Variants in KATNIP observed in about 807,000 individuals in gnomAD.
KATNIP encodes katanin-interacting protein.
Under a neutral mutation model 174.0 loss-of-function variants are expected in KATNIP, and 126 were observed. The ratio of observed to expected loss-of-function variants is 0.72; its 90% CI spans 0.63 to 0.84. The LOEUF is 0.84. Among genes scored for constraint, KATNIP ranks in the 40% least tolerant of loss-of-function variants. The probability of loss-of-function intolerance (pLI) is 0.00; values close to 1 mark genes in which losing one functional copy is unlikely to be tolerated. For synonymous variants in KATNIP, 810 were observed against 835.7 expected (o/e 0.97, Z 0.53); for missense variants, 1,958 against 2,109.7 (o/e 0.93, Z 1.41).
chr16:27,551,310 G>A (rs1352487068), intron 1 of KATNIP, among the ~76,000 whole-genome samples: 4 of 152,178 alleles, frequency 2.6e-5, no homozygotes, highest in South Asian at 2.1e-4. Context: ...ACTGAATGTA[G>A]TGTGGAGAAA....
chr16:27,758,230 A>T lies in KATNIP; in HGVS notation c.3632-3183A>T, dbSNP rs536575600. Reference sequence around the variant, plus strand: ...ACTGATCTCCATCATCCAAATCCACATCCTCCTCCACCTGTGGCCCTTCTG... The same window carrying T: ...ACTGATCTCCATCATCCAAATCCACTTCCTCCTCCACCTGTGGCCCTTCTG... On this transcript the variant is annotated intron_variant, in intron 18 of 27. Coordinates refer to ENST00000261588, the MANE Select transcript of KATNIP (RefSeq NM_015202.5). Among the ~76,000 whole-genome samples the T allele has an allele frequency of 3.9e-5, 6 of 152,194 alleles. No individual in the cohort carries two copies. In the South Asian group the frequency reaches 1.0e-3, roughly 26 times the overall value.
At chr16:27,601,570 C>T (rs1483390628) in intron 2 of KATNIP, among the ~76,000 whole-genome samples, 1 of 152,174 alleles carries the variant, frequency 6.6e-6, no homozygotes, top group East Asian at 1.9e-4. Flanking sequence ...CCTGCTTTGG[C>T]CTCCCAAAGT....
At chr16:27,682,012 A>C (rs1266569265) in intron 8 of KATNIP, among the ~76,000 whole-genome samples, 4 of 152,378 alleles carry the variant, frequency 2.6e-5, no homozygotes, top group African/African-American at 9.6e-5. Flanking sequence ...CCTGTGGCCC[A>C]GTCAAGCCAA....
chr16:27,639,210 A>G (rs1290873753), intron 5 of KATNIP, among the ~76,000 whole-genome samples: 1 of 152,128 alleles, frequency 6.6e-6, no homozygotes, highest in Non-Finnish European at 1.5e-5. Context: ...GATGACTTCC[A>G]CCTGTAAAAC....
intron 5 of KATNIP, among the ~76,000 whole-genome samples, chr16:27,647,382 C>T (rs2076986606): frequency 6.6e-6 from 1 of 152,092 alleles, no homozygotes. Context: ...CACATTGTCA[C>T]CCAGGCTGCA....
At chr16:27,704,925 T>C (rs2079242531) in intron 12 of KATNIP, among the ~76,000 whole-genome samples, 4 of 148,944 alleles carry the variant, frequency 2.7e-5, no homozygotes, top group Admixed American at 2.7e-4. Flanking sequence ...TTTTTTTTTT[T>C]TCTTAGACAG....
intron 5 of KATNIP, among the ~76,000 whole-genome samples, chr16:27,642,770 T>A (rs28629187): frequency 0.34 from 16,007 of 47,736 alleles, 1,819 homozygotes; most frequent in East Asian, 0.44. Flanking sequence ...TTTTAAAAAA[T>A]TTTTTTTTTT....
intron 14 of KATNIP, chr16:27,722,426 A>G (rs1166963883): frequency 6.6e-6 from 1 of 152,252 alleles, no homozygotes; most frequent in Non-Finnish European, 1.5e-5. Flanking sequence ...CCTCCTTTCT[A>G]ACCTCACACT....
chr16:27,700,392 T>G (rs1476253830), intron 10 of KATNIP, among the ~76,000 whole-genome samples: 1 of 152,198 alleles, frequency 6.6e-6, no homozygotes, highest in South Asian at 2.1e-4. Context: ...TACACAGGTC[T>G]GTGCTGTGTG....
chr16:27,550,189 T>C lies in KATNIP; in HGVS notation c.7+12T>C. On this transcript the variant is annotated intron_variant, in intron 1 of 27. Transcript: ENST00000261588. ...TCTAGGGATGGACGGTGAGTGTCTG[T>C]GGGCCCCTCCGGGAGGTCGGGCTGT... The C allele has an allele frequency of 6.2e-7, 1 of 1,609,094 alleles. No individual in the cohort carries two copies. Among genetic ancestry groups the C allele is most frequent in the Middle Eastern group, 1.7e-4 (1 of 6,048 alleles).
chr16:27,767,769 CT>C (rs1260708845), intron 20 of KATNIP, among the ~76,000 whole-genome samples: 3 of 152,196 alleles, frequency 2.0e-5, no homozygotes, highest in Non-Finnish European at 4.4e-5. Flanking sequence ...TCGGCAGCCC[CT>C]GGCCCTCCCC....
intron 18 of KATNIP, among the ~76,000 whole-genome samples, chr16:27,759,360 G>A (rs1030381852): frequency 2.0e-5 from 3 of 152,232 alleles, no homozygotes; most frequent in African/African-American, 4.8e-5. Context: ...GGTTATTAGG[G>A]AAGGCCTCTC....
chr16:27,582,923 GAGA>G (rs780087897), intron 2 of KATNIP, among the ~76,000 whole-genome samples: 12 of 152,202 alleles, frequency 7.9e-5, no homozygotes, highest in Non-Finnish European at 1.2e-4. Flanking sequence ...TGCTGAGAAA[GAGA>G]AGGACACAGA....
chr16:27,627,530 A>G (rs1248917893), intron 3 of KATNIP, among the ~76,000 whole-genome samples: 3 of 152,216 alleles, frequency 2.0e-5, no homozygotes, highest in African/African-American at 4.8e-5. Flanking sequence ...AAATGTGAAC[A>G]AAGACTCACA....
chr16:27,685,462 CA>C (rs2078488734), intron 8 of KATNIP: 1 of 151,796 alleles, frequency 6.6e-6, no homozygotes, highest in Non-Finnish European at 1.5e-5. Flanking sequence ...AAGATGAAAC[CA>C]GGGGGTGAAC....
chr16:27,692,883 G>A (rs533875755), intron 8 of KATNIP, among the ~76,000 whole-genome samples: 48 of 152,324 alleles, frequency 3.2e-4, no homozygotes, highest in Non-Finnish European at 5.7e-4. Flanking sequence ...AGTGCAGGTC[G>A]TAAGCCTGGT....
At position 27,751,745 on chromosome 16, in the gene KATNIP, T is replaced by A; in HGVS notation, c.3373T>A (p.Leu1125Ile). ...CCCAGAGCACTTTGGAGACACGATC[T>A]TATTCACAACCGATGATGACATTCT... is the stretch of plus-strand genomic sequence containing the variant. ...GAPEHFGDTI[L>I]FTTDDDILEA... Residue 1125 changes from leucine (L) to isoleucine (I), a missense_variant, in exon 17 of 28, where the codon TTA becomes ATA. Leu to Ile is a conservative substitution (Grantham distance 5, BLOSUM62 2). This residue lies in a region of KATNIP where 1,557 missense variants were observed against 1,617.8 expected (regional missense o/e 0.96). Transcript: ENST00000261588. 3 of 1,614,246 alleles carry A rather than the reference T, an allele frequency of 1.9e-6. No individual in the cohort carries two copies. The highest frequency in any genetic ancestry group is 2.5e-6 in the Non-Finnish European group (3 of 1,180,038).
At chr16:27,624,842 A>G (rs1481269876) in intron 3 of KATNIP, among the ~76,000 whole-genome samples, 2 of 152,190 alleles carry the variant, frequency 1.3e-5, no homozygotes. Flanking sequence ...AGAAATAGCC[A>G]TTGAGAGCTT....
intron 11 of KATNIP, among the ~76,000 whole-genome samples, chr16:27,703,293 T>C (rs1037444743): frequency 1.3e-5 from 2 of 152,204 alleles, no homozygotes; most frequent in African/African-American, 4.8e-5. Flanking sequence ...TCCTTTGTGC[T>C]TCAGGGCCTT....
Sources: allele counts gnomAD v4.1 joint callset (sites outside exome capture counted in the v4.1 genomes callset), GRCh38; gene constraint gnomAD v4.1.1; regional missense constraint gnomAD v4.1.1; transcripts MANE v1.5; gene names NCBI Gene and HGNC (gene_info 2026-07-23, HGNC 2026-07-21).